Variants in LHFPL3 observed in about 807,000 individuals in gnomAD.
LHFPL3 encodes LHFPL tetraspan subfamily member 3 protein.
Under a neutral mutation model 19.3 loss-of-function variants are expected in LHFPL3, and 5 were observed. The observed-to-expected ratio is 0.26, with a 90% confidence interval of 0.14 to 0.54. The LOEUF is 0.54. Ranked by LOEUF, LHFPL3 falls within the 20% of genes least tolerant of loss-of-function variation. LHFPL3 has a pLI of 0.94. For missense variants in LHFPL3, 249 were observed against 307.4 expected (o/e 0.81, Z 1.42); for synonymous variants, 133 against 126.2 (o/e 1.05, Z -0.36).
intron 1 of LHFPL3, among the ~76,000 whole-genome samples, chr7:104,557,650 G>GTTTTTTA (rs770049331): frequency 1.5e-3 from 224 of 151,962 alleles, no homozygotes; most frequent in Non-Finnish European, 2.5e-3. Context: ...ACTTTAATCT[G>GTTTTTTA]TTTTTTATTT....
chr7:104,857,369 T>C (rs1198329062), intron 2 of LHFPL3, among the ~76,000 whole-genome samples: 1 of 152,210 alleles, frequency 6.6e-6, no homozygotes, highest in Non-Finnish European at 1.5e-5. Flanking sequence ...CCAATAGTGA[T>C]TCATTCTATA....
intron 1 of LHFPL3, among the ~76,000 whole-genome samples, chr7:104,682,748 AT>A (rs1792730423): frequency 6.6e-6 from 1 of 152,120 alleles, no homozygotes; most frequent in African/African-American, 2.4e-5. Flanking sequence ...CACTGTTAGG[AT>A]TTGATCGTGT....
At chr7:104,408,230 C>G (rs1475297935) in intron 1 of LHFPL3, among the ~76,000 whole-genome samples, 1 of 152,160 alleles carries the variant, frequency 6.6e-6, no homozygotes, top group Non-Finnish European at 1.5e-5. Flanking sequence ...AACAGTATTT[C>G]TAATCTATAG....
chr7:104,904,384 C>T (rs909406879), intron 2 of LHFPL3, among the ~76,000 whole-genome samples: 2 of 152,246 alleles, frequency 1.3e-5, no homozygotes, highest in African/African-American at 4.8e-5. Context: ...GGCACAGTGG[C>T]TCATGCCTAT....
chr7:104,907,038 C>G lies in LHFPL3; in HGVS notation c.*823C>G, dbSNP rs1484001699. ...AAATATAGAAAAAGTTCATTTTCAC[C>G]TTGGAAGCTCACGTGTAATATTATA... On this transcript the variant is annotated 3_prime_UTR_variant, in exon 3 of 3. Transcript: ENST00000424859. 2 of 152,540 alleles carry G rather than the reference C, an allele frequency of 1.3e-5. No individual in the cohort carries two copies. The highest frequency in any genetic ancestry group is 4.8e-5 in the African/African-American group (2 of 41,422). 9.4% of individuals were successfully genotyped at this position (152,540 alleles called of 1,614,324 possible). A position where few individuals can be genotyped will look rare whatever the true frequency, so the allele number is the denominator to read the frequency against.
chr7:104,420,184 A>G (rs1170759778), intron 1 of LHFPL3, among the ~76,000 whole-genome samples: 2 of 152,224 alleles, frequency 1.3e-5, no homozygotes, highest in Admixed American at 6.5e-5. Flanking sequence ...TCTAGGAGGT[A>G]CATCCAGGCC....
In LHFPL3 at chr7:104,654,810, C is replaced by T. The variant is rs73181824; in HGVS notation, c.446-81865C>T. The stretch of plus-strand genomic sequence containing the variant: ...ATTATAATCCTATGAACCCCAGATT[C>T]CTAATCACATGCTTCTTCACCCCAC... On this transcript the variant is annotated intron_variant, in intron 1 of 2. Transcript: ENST00000424859. 4.9e-3 allele frequency among the ~76,000 whole-genome samples: 740 copies of T among 152,222 alleles called. 3 individuals carry two copies. The highest frequency in any genetic ancestry group is 7.7e-3 in the Non-Finnish European group (525 of 68,022).
At chr7:104,424,322 T>C (rs1791795519) in intron 1 of LHFPL3, among the ~76,000 whole-genome samples, 1 of 152,182 alleles carries the variant, frequency 6.6e-6, no homozygotes. Flanking sequence ...TGGTTGTCTG[T>C]TGCACAGAAG....
At chr7:104,759,067 T>C (rs1002905808) in intron 2 of LHFPL3, among the ~76,000 whole-genome samples, 1 of 152,188 alleles carries the variant, frequency 6.6e-6, no homozygotes, top group Non-Finnish European at 1.5e-5. Context: ...CGAGGACAAA[T>C]AGACATCTGA....
intron 1 of LHFPL3, among the ~76,000 whole-genome samples, chr7:104,650,036 G>GACTTT (rs1490123239): frequency 6.6e-6 from 1 of 152,208 alleles, no homozygotes; most frequent in Admixed American, 6.5e-5. Flanking sequence ...CAAGAGAGCA[G>GACTTT]ACTTTATCAA....
At chr7:104,646,271 A>G (rs1791931806) in intron 1 of LHFPL3, among the ~76,000 whole-genome samples, 1 of 152,344 alleles carries the variant, frequency 6.6e-6, no homozygotes, top group Middle Eastern at 3.4e-3. Context: ...ACAAACATGC[A>G]TTTTAAAGAA....
In LHFPL3 at chr7:104,629,886, AT is replaced by A. The variant is rs375082358; in HGVS notation, c.446-106783del. Among the ~76,000 whole-genome samples, 173 of 152,242 alleles carry A rather than the reference AT, an allele frequency of 1.1e-3. 3 individuals carry two copies. Among genetic ancestry groups the A allele is most frequent in the African/African-American group, 3.9e-3 (164 of 41,534 alleles). On this transcript the variant is annotated intron_variant, in intron 1 of 2. Transcript: ENST00000424859. ...AGTGTGAAATGCACCAACCATGTGCATTTTTTAATGTTATATATGCCTCAAG... is the reference window on the plus strand; with the variant it reads ...AGTGTGAAATGCACCAACCATGTGCATTTTTAATGTTATATATGCCTCAAG...
chr7:104,465,785 G>A (rs547711137), intron 1 of LHFPL3, among the ~76,000 whole-genome samples: 3 of 152,316 alleles, frequency 2.0e-5, no homozygotes, highest in Non-Finnish European at 4.4e-5. Flanking sequence ...AGATTTGGGT[G>A]GGGACACAGC....
chr7:104,384,929 G>C (rs1458731299), intron 1 of LHFPL3, among the ~76,000 whole-genome samples: 1 of 152,056 alleles, frequency 6.6e-6, no homozygotes, highest in African/African-American at 2.4e-5. Context: ...GGAAGTTTTT[G>C]GCATTAGAAA....
At chr7:104,847,608 T>C (rs1432467020) in intron 2 of LHFPL3, among the ~76,000 whole-genome samples, 2 of 152,238 alleles carry the variant, frequency 1.3e-5, no homozygotes, top group Non-Finnish European at 2.9e-5. Flanking sequence ...ACTCCCAGGT[T>C]TGAGCGATTC....
At chr7:104,682,397 A>T (rs1792722361) in intron 1 of LHFPL3, among the ~76,000 whole-genome samples, 1 of 152,202 alleles carries the variant, frequency 6.6e-6, no homozygotes, top group African/African-American at 2.4e-5. Context: ...CTGCATTTTA[A>T]GATCCCCAGG....
intron 1 of LHFPL3, among the ~76,000 whole-genome samples, chr7:104,409,277 G>T (rs1051903977): frequency 4.0e-5 from 6 of 151,040 alleles, no homozygotes; most frequent in African/African-American, 1.5e-4. Flanking sequence ...CCCACATCTT[G>T]AATTGCTAAA....
At chr7:104,664,389 G>A (rs1792291725) in intron 1 of LHFPL3, among the ~76,000 whole-genome samples, 1 of 152,050 alleles carries the variant, frequency 6.6e-6, no homozygotes, top group South Asian at 2.1e-4. Context: ...AAAACTTTAA[G>A]ATGTCTCAAA....
At chr7:104,618,393 T>G (rs944538664) in intron 1 of LHFPL3, among the ~76,000 whole-genome samples, 8 of 152,142 alleles carry the variant, frequency 5.3e-5, no homozygotes, top group African/African-American at 1.9e-4. Context: ...ATTTAACAGA[T>G]GAGGAGATTG....
Sources: gnomAD v4.1 joint callset for allele counts (sites outside exome capture counted in the v4.1 genomes callset) on GRCh38, gnomAD v4.1.1 for gene constraint, MANE v1.5 for transcripts, NCBI Gene and HGNC (gene_info 2026-07-23, HGNC 2026-07-21) for gene names.